The following KLHL15 variants were observed in gnomAD, a reference collection of about 807,000 sequenced individuals.
KLHL15 encodes the protein kelch-like protein 15.
Under a neutral mutation model 29.3 loss-of-function variants are expected in KLHL15, and 1 was observed. That is an observed-to-expected ratio of 0.03 (90% confidence interval 0.01 to 0.16). The LOEUF (loss-of-function observed/expected upper bound fraction) is 0.16. KLHL15 is among the 10% of genes least tolerant of loss of function. The pLI is 1.00. For synonymous variants in KLHL15, 212 were observed against 184.5 expected (o/e 1.15, Z -1.21); for missense variants, 215 against 478.5 (o/e 0.45, Z 5.14).
At chrX:23,994,419 T>C (rs1478148559) in intron 3 of KLHL15, among the ~76,000 whole-genome samples, 2 of 112,455 alleles carry the variant, frequency 1.8e-5, no homozygotes. Context: ...CAATAAGACA[T>C]TGGTTGGATA....
chrX:24,022,272 T>C (rs1445278516), intron 2 of KLHL15, among the ~76,000 whole-genome samples: 4 of 103,054 alleles, frequency 3.9e-5, no homozygotes, highest in Non-Finnish European at 7.9e-5. Context: ...GAGGCGGAGG[T>C]TGCAGTGAGC....
Position 23,986,181 on chromosome X carries a change from C to T in KLHL15, c.*1740G>A, listed in dbSNP as rs1569263669. On this transcript the variant is annotated 3_prime_UTR_variant, in exon 4 of 4. Transcript: ENST00000328046. ...GGAGTTTGAAGATCAGGTTTAATCT[C>T]ATAGTATGTCTAATAACTGCCCAAA... 1 of 111,198 alleles carries T rather than the reference C, an allele frequency of 9.0e-6. No homozygotes were observed. The highest frequency in any genetic ancestry group is 3.3e-5 in the African/African-American group (1 of 30,652). 9.2% of individuals were successfully genotyped at this position (111,198 alleles called of 1,213,427 possible).
chrX:23,991,835 T>G (rs1424897985), intron 3 of KLHL15, among the ~76,000 whole-genome samples: 1 of 111,586 alleles, frequency 9.0e-6, no homozygotes, highest in African/African-American at 3.3e-5. Context: ...CAAGACTCCA[T>G]CTCGAAAAAA....
At chrX:24,026,682 C>T (rs1433059316) in intron 1 of KLHL15, among the ~76,000 whole-genome samples, 1 of 108,745 alleles carries the variant, frequency 9.2e-6, no homozygotes, top group South Asian at 3.9e-4. Flanking sequence ...AACATACCAT[C>T]TTTCCCAAGA....
At chrX:24,023,778 G>C (rs1266895276) in intron 2 of KLHL15, among the ~76,000 whole-genome samples, 2 of 112,032 alleles carry the variant, frequency 1.8e-5, no homozygotes, top group African/African-American at 6.5e-5. Context: ...TTAAAAATGA[G>C]AATAAAATTA....
chrX:24,026,902 ATTAT>A (rs1376388713), intron 1 of KLHL15, among the ~76,000 whole-genome samples: 6 of 112,334 alleles, frequency 5.3e-5, no homozygotes, highest in Admixed American at 1.9e-4. Flanking sequence ...ATTTCTGTTC[ATTAT>A]TTAAAAATCC....
intron 2 of KLHL15, among the ~76,000 whole-genome samples, chrX:24,015,876 G>A (rs1197772354): frequency 9.0e-6 from 1 of 110,885 alleles, no homozygotes; most frequent in Non-Finnish European, 1.9e-5. Flanking sequence ...GCTGGCACCT[G>A]TAATCCCAGC....
chrX:24,020,037 T>C (rs1740888732), intron 2 of KLHL15, among the ~76,000 whole-genome samples: 1 of 112,293 alleles, frequency 8.9e-6, no homozygotes, highest in South Asian at 3.6e-4. Context: ...TATAATATAC[T>C]TACCCTCAAT....
intron 2 of KLHL15, among the ~76,000 whole-genome samples, chrX:24,021,879 A>G (rs1434230206): frequency 9.0e-6 from 1 of 111,049 alleles, no homozygotes; most frequent in Non-Finnish European, 1.9e-5. Flanking sequence ...GAGAAAATAG[A>G]TGCTAATAAA....
chrX:23,994,199 G>T (rs1298948261), intron 3 of KLHL15, among the ~76,000 whole-genome samples: 1 of 112,027 alleles, frequency 8.9e-6, no homozygotes, highest in Non-Finnish European at 1.9e-5. Context: ...GGATCCAAAG[G>T]GAGAATGGTC....
rs1050284889 is a variant in KLHL15, at chrX:23,987,418, G to T, written c.*503C>A. The T allele has an allele frequency of 8.9e-6, 1 of 112,520 alleles. No homozygotes were observed. Among genetic ancestry groups the T allele is most frequent in the African/African-American group, 3.2e-5 (1 of 30,944 alleles). The allele number at this position is 112,520 out of a possible 1,213,427, so 9.3% of individuals were successfully genotyped here. A position where few individuals can be genotyped will look rare whatever the true frequency, so the allele number is the denominator to read the frequency against. On this transcript the variant is annotated 3_prime_UTR_variant, in exon 4 of 4. Coordinates refer to ENST00000328046, the MANE Select transcript of KLHL15 (RefSeq NM_030624.3). ...GTTTTGAATATAAAAAGTTAATTTT[G>T]TAGAAAATTTATATTTTTGCATTTT...
At chrX:24,001,943 C>G (rs957037478) in intron 3 of KLHL15, among the ~76,000 whole-genome samples, 3 of 107,651 alleles carry the variant, frequency 2.8e-5, no homozygotes, top group Non-Finnish European at 5.8e-5. Flanking sequence ...ACCATCCTGG[C>G]TAACACAGTG....
chrX:23,988,431 G>A lies in KLHL15; in HGVS notation c.1305C>T (p.Thr435=). 8.3e-7 allele frequency: 1 copy of A among 1,211,680 alleles called. No homozygotes were observed. Among genetic ancestry groups the A allele is most frequent in the Non-Finnish European group, 1.1e-6 (1 of 895,432 alleles). The part of the protein sequence containing the change: ...NNKLFITGGI[T]SSSTSKQVCV... ...ACACTTGCTTGGAGGTGGAAGATGA[G>A]GTGATTCCACCGGTGATAAACAATT... The change falls in exon 4 of 4, where the codon ACC becomes ACT. Residue 435 remains threonine (T), a synonymous_variant. Coordinates refer to ENST00000328046, the MANE Select transcript of KLHL15 (RefSeq NM_030624.3).
chrX:24,001,825 A>G (rs868443005), intron 3 of KLHL15, among the ~76,000 whole-genome samples: 54 of 100,397 alleles, frequency 5.4e-4, no homozygotes, highest in African/African-American at 1.2e-3. Flanking sequence ...AAAAAAAAAA[A>G]AAGAAGAAGA....
intron 3 of KLHL15, among the ~76,000 whole-genome samples, chrX:23,999,009 G>A (rs1044299455): frequency 9.3e-4 from 103 of 110,616 alleles, no homozygotes; most frequent in African/African-American, 3.3e-3. Context: ...GGGTTCAAGC[G>A]GATTCTCCTG....
At chrX:24,011,535 T>C (rs1419181017) in intron 2 of KLHL15, among the ~76,000 whole-genome samples, 1 of 111,791 alleles carries the variant, frequency 8.9e-6, no homozygotes, top group Non-Finnish European at 1.9e-5. Context: ...CCCTAACTAC[T>C]TGGGAGGCTG....
At chrX:23,992,123 G>A (rs1929099908) in intron 3 of KLHL15, among the ~76,000 whole-genome samples, 1 of 111,953 alleles carries the variant, frequency 8.9e-6, no homozygotes, top group African/African-American at 3.2e-5. Flanking sequence ...ACCATGTCTG[G>A]TGATTAAGGA....
chrX:24,017,671 C>T (rs1008107807), intron 2 of KLHL15, among the ~76,000 whole-genome samples: 3 of 106,252 alleles, frequency 2.8e-5, no homozygotes, highest in South Asian at 4.2e-4. Context: ...GTCCCAGCTA[C>T]TCAGGAGGCT....
chrX:24,015,669 A>G (rs187475800), intron 2 of KLHL15, among the ~76,000 whole-genome samples: 190 of 112,372 alleles, frequency 1.7e-3, no homozygotes, highest in Non-Finnish European at 3.0e-3. Flanking sequence ...GCTCTGTGAT[A>G]TTGGGGCAAG....
Sources: allele counts gnomAD v4.1 joint callset (sites outside exome capture counted in the v4.1 genomes callset), GRCh38; gene constraint gnomAD v4.1.1; transcripts MANE v1.5; gene names NCBI Gene and HGNC (gene_info 2026-07-23, HGNC 2026-07-21).